The following ULK2 variants were observed in gnomAD, a reference collection of about 807,000 sequenced individuals.
ULK2 encodes unc-51 like autophagy activating kinase 2, also known as serine/threonine-protein kinase ULK2.
Under a neutral mutation model 127.5 loss-of-function variants are expected in ULK2, and 76 were observed. The ratio of observed to expected loss-of-function variants is 0.60; its 90% confidence interval spans 0.50 to 0.72. The LOEUF (loss-of-function observed/expected upper bound fraction) is 0.72. ULK2 is among the 30% of genes least tolerant of loss of function. The pLI, the probability that ULK2 is intolerant of heterozygous loss-of-function variation, is 0.00. For missense variants in ULK2, 1,144 were observed against 1,295.9 expected, an observed-to-expected ratio of 0.88 and a Z score of 1.80; for synonymous variants, 452 against 461.9, an observed-to-expected ratio of 0.98 and a Z score of 0.28.
chr17:19,838,630 C>T, intron 9 of ULK2, 47 bp from the exon 10 acceptor site: 1 of 1,502,446 alleles, frequency 6.7e-7, no homozygotes, highest in Non-Finnish European at 9.1e-7. Context: ...AGTTTATATA[C>T]ATAAACATTA....
chr17:19,867,404 C>CCCA lies in ULK2; in HGVS notation c.11_13dup (p.Val4dup), dbSNP rs765334358. ...ATCCCTCTTGCTGTACTCGAAGTCA[C>CCCA]CCACCACCTCCATGGCCGCGCCCCC... is the stretch of plus-strand genomic sequence containing the variant. On this transcript the variant is annotated inframe_insertion, in exon 1 of 27. Coordinates refer to ENST00000395544, the MANE Select transcript of ULK2 (RefSeq NM_014683.4). 1 of 1,598,052 alleles carries CCCA rather than the reference C, an allele frequency of 6.3e-7. No homozygotes were observed. The highest frequency in any genetic ancestry group is 8.5e-7 in the Non-Finnish European group (1 of 1,173,940).
intron 6 of ULK2, 34 bp from the exon 7 acceptor site, chr17:19,845,411 T>G: frequency 6.5e-7 from 1 of 1,529,408 alleles, no homozygotes; most frequent in Non-Finnish European, 9.1e-7. Context: ...AAAAGCAAAT[T>G]ACGTCTTCGC....
Position 19,845,314 on chromosome 17 carries a change from G to A in ULK2, c.533C>T (p.Pro178Leu), listed in dbSNP as rs1457092487. The A allele has an allele frequency of 5.0e-6, 8 of 1,612,964 alleles. No individual in the cohort carries two copies. Among genetic ancestry groups the A allele is most frequent in the Non-Finnish European group, 5.1e-6 (6 of 1,179,412 alleles). The change falls in exon 7 of 27, where the codon CCG (proline) becomes CTG (leucine). Residue 178 changes from proline (P) to leucine (L), a missense_variant. By Grantham distance (98) the Pro-to-Leu change is moderately conservative (BLOSUM62 -3). Transcript: ENST00000395544. ...CAAACACTCACTCACCATGTACATC[G>A]GGGATCCACACAGTGTTGCAGCCAT... ...NMMAATLCGS[P>L]MYMAPEVIMS... is the part of the protein sequence containing the mutation.
intron 14 of ULK2, 120 bp downstream of exon 14, chr17:19,810,247 AAAAAAAAAAAC>A: frequency 7.9e-6 from 3 of 381,192 alleles, no homozygotes; most frequent in Admixed American, 4.8e-5. Flanking sequence ...AAAAAAAAAA[AAAAAAAAAAAC>A]CAGAAATAAT....
chr17:19,804,566 T>C, intron 15 of ULK2, 127 bp downstream of exon 15: 2 of 955,514 alleles, frequency 2.1e-6, no homozygotes, highest in Non-Finnish European at 2.9e-6. Flanking sequence ...TTATTCAATT[T>C]TGTGCGTTCC....
chr17:19,786,359 G>A (rs1357253846), intron 20 of ULK2, among the ~76,000 whole-genome samples: 1 of 152,136 alleles, frequency 6.6e-6, no homozygotes, highest in Non-Finnish European at 1.5e-5. Flanking sequence ...TACATGAACT[G>A]TAAGTTATAC....
At chr17:19,829,215 T>C (rs1272810019) in intron 10 of ULK2, among the ~76,000 whole-genome samples, 2 of 152,132 alleles carry the variant, frequency 1.3e-5, no homozygotes, top group African/African-American at 2.4e-5. Context: ...AGAATTTGAA[T>C]TGAAAACTGT....
intron 5 of ULK2, among the ~76,000 whole-genome samples, chr17:19,847,368 CT>C (rs1901678862): frequency 6.6e-6 from 1 of 152,160 alleles, no homozygotes; most frequent in African/African-American, 2.4e-5. Context: ...GGATCAGATA[CT>C]ACTGCTACCC....
intron 17 of ULK2, 71 bp downstream of exon 17, chr17:19,799,424 C>T (rs992546010): frequency 7.8e-7 from 1 of 1,284,334 alleles, no homozygotes; most frequent in Non-Finnish European, 1.0e-6. Flanking sequence ...TTTGATAAAA[C>T]TAGAAAAACA....
chr17:19,842,448 C>T (rs944251221), intron 8 of ULK2, among the ~76,000 whole-genome samples: 3 of 151,932 alleles, frequency 2.0e-5, no homozygotes, highest in Admixed American at 2.0e-4. Context: ...CTGCCCGCCT[C>T]GGCCTCCCAA....
intron 15 of ULK2, among the ~76,000 whole-genome samples, chr17:19,804,179 T>C (rs570179504): frequency 6.6e-6 from 1 of 150,808 alleles, no homozygotes; most frequent in Non-Finnish European, 1.5e-5. Flanking sequence ...GGCCAGGAGT[T>C]CAAGACCAGC....
At chr17:19,796,040 A>G (rs113238696) in intron 19 of ULK2, 55 bp downstream of exon 19, 4 of 1,549,862 alleles carry the variant, frequency 2.6e-6, no homozygotes, top group African/African-American at 2.7e-5. Context: ...ACAGAAATCT[A>G]TGTTTTACTA....
intron 3 of ULK2, among the ~76,000 whole-genome samples, chr17:19,857,327 T>A (rs537681286): frequency 2.0e-3 from 296 of 147,020 alleles, no homozygotes; most frequent in Non-Finnish European, 3.6e-3. Flanking sequence ...AAAAAAAAAA[T>A]GTTTTACATG....
At chr17:19,810,264 ATAATGGACTGT>A in intron 14 of ULK2, 103 bp downstream of exon 14, 1 of 617,028 alleles carries the variant, frequency 1.6e-6, no homozygotes, top group Admixed American at 3.4e-5. Context: ...AAAACCAGAA[ATAATGGACTGT>A]AAAACAAAAT....
At chr17:19,858,236 C>CA (rs1038201809) in intron 3 of ULK2, among the ~76,000 whole-genome samples, 1 of 151,908 alleles carries the variant, frequency 6.6e-6, no homozygotes, top group African/African-American at 2.4e-5. Context: ...TCCATCTCTA[C>CA]AAAAAATAGA....
intron 21 of ULK2, among the ~76,000 whole-genome samples, chr17:19,784,775 C>T (rs1054228334): frequency 6.6e-6 from 1 of 152,012 alleles, no homozygotes; most frequent in Non-Finnish European, 1.5e-5. Flanking sequence ...ATCCTCCTGC[C>T]TCGGCCTCCC....
chr17:19,832,006 C>T (rs1225060742), intron 10 of ULK2, among the ~76,000 whole-genome samples: 3 of 151,956 alleles, frequency 2.0e-5, no homozygotes, highest in South Asian at 2.1e-4. Context: ...AGCCTGTAGT[C>T]CCAGCTACTC....
intron 20 of ULK2, among the ~76,000 whole-genome samples, chr17:19,788,913 A>G (rs564897587): frequency 6.6e-6 from 1 of 152,322 alleles, no homozygotes; most frequent in East Asian, 1.9e-4. Context: ...GTGGCAGCTT[A>G]GCTGCAGTAG....
chr17:19,841,040 C>A (rs544624258), intron 9 of ULK2, among the ~76,000 whole-genome samples: 2 of 151,826 alleles, frequency 1.3e-5, no homozygotes, highest in Non-Finnish European at 2.9e-5. Flanking sequence ...TAAATACATA[C>A]ATAAACAAGC....
Sources: gnomAD v4.1 joint callset for allele counts (sites outside exome capture counted in the v4.1 genomes callset) on GRCh38, gnomAD v4.1.1 for gene constraint, MANE v1.5 for transcripts, NCBI Gene and HGNC (gene_info 2026-07-23, HGNC 2026-07-21) for gene names.